Variants in EIF2D observed in about 807,000 individuals in gnomAD.
The protein encoded by EIF2D is eukaryotic translation initiation factor 2D.
Under a neutral mutation model 77.4 loss-of-function variants are expected in EIF2D, and 56 were observed. That is an observed-to-expected ratio of 0.72 (90% CI 0.58 to 0.90). The LOEUF (loss-of-function observed/expected upper bound fraction) is 0.90, where lower values mean the gene tolerates loss of function less well. Ranked by LOEUF, EIF2D falls within the 40% of genes least tolerant of loss-of-function variation. The pLI is 0.00. For missense variants in EIF2D, 574 were observed against 706.5 expected, an observed-to-expected ratio of 0.81 and a Z score of 2.13; for synonymous variants, 230 against 271.0, an observed-to-expected ratio of 0.85 and a Z score of 1.49.
At chr1:206,609,200 C>A (rs1226302118) in intron 3 of EIF2D, among the ~76,000 whole-genome samples, 176 bp downstream of exon 3, 1 of 152,200 alleles carries the variant, frequency 6.6e-6, no homozygotes, top group Non-Finnish European at 1.5e-5. Flanking sequence ...ACAACAGGGC[C>A]AGAGGGGCCC....
intron 4 of EIF2D, among the ~76,000 whole-genome samples, chr1:206,573,270 G>A (rs936485771): frequency 1.1e-4 from 16 of 152,086 alleles, no homozygotes; most frequent in African/African-American, 3.4e-4. Context: ...CATCAATCCC[G>A]TGAGGCAATA....
chr1:206,593,892 T>G (rs1307471855), intron 13 of EIF2D, 99 bp from the exon 14 acceptor site: 1 of 1,071,090 alleles, frequency 9.3e-7, no homozygotes, highest in African/African-American at 1.6e-5. Flanking sequence ...GCCCCTGTGT[T>G]CTCTGATGGT....
chr1:206,577,347 A>G (rs781943535), intron 4 of EIF2D, among the ~76,000 whole-genome samples: 9 of 152,238 alleles, frequency 5.9e-5, no homozygotes, highest in Non-Finnish European at 1.3e-4. Flanking sequence ...AAATTGGCTC[A>G]GAGGGGTAGA....
rs528818045 is a variant in EIF2D, at chr1:206,572,631, C to T, written c.*323G>A. On this transcript the variant is annotated 3_prime_UTR_variant and NMD_transcript_variant, in exon 5 of 6. Coordinates refer to the EIF2D transcript ENST00000472709. ...CAGCTGGAAAGTATGGTCACTTCTC[C>T]ATGAGGCACAGCAGGCATCGTGCCA... The T allele has an allele frequency of 4.9e-4, 75 of 152,330 alleles. 1 individual carries two copies. Among genetic ancestry groups the T allele is most frequent in the African/African-American group, 1.7e-3 (70 of 41,572 alleles). 9.4% of individuals were successfully genotyped at this position (152,330 alleles called of 1,614,324 possible). A position where few individuals can be genotyped will look rare whatever the true frequency, so the allele number is the denominator to read the frequency against.
At chr1:206,606,243 T>G (rs781984361) in intron 4 of EIF2D, among the ~76,000 whole-genome samples, 1 of 152,186 alleles carries the variant, frequency 6.6e-6, no homozygotes, top group African/African-American at 2.4e-5. Flanking sequence ...AGGGTCCAAG[T>G]GAGAGTTCCC....
chr1:206,609,011 C>T (rs1221397167), intron 3 of EIF2D, among the ~76,000 whole-genome samples: 1 of 151,754 alleles, frequency 6.6e-6, no homozygotes, highest in Non-Finnish European at 1.5e-5. Flanking sequence ...GAGATCATGC[C>T]ACTGCACTCC....
chr1:206,597,306 T>G, intron 11 of EIF2D, 111 bp from the exon 12 acceptor site: 1 of 738,942 alleles, frequency 1.4e-6, no homozygotes. Context: ...AGGATATGAA[T>G]CAATTATGGG....
At position 206,585,088 on chromosome 1, in the gene EIF2D, C is replaced by T. The variant is rs1414903619; in HGVS notation, c.139-3926G>A. On this transcript the variant is annotated intron_variant and NMD_transcript_variant, in intron 2 of 5. Coordinates refer to the EIF2D transcript ENST00000472709. ...CCGTGTCTACTTCCAGTTGTACGTACCCCACCTCTGCATTTCCAATCCTTT... is the reference window on the plus strand; with the variant it reads ...CCGTGTCTACTTCCAGTTGTACGTATCCCACCTCTGCATTTCCAATCCTTT... 1.9e-5 allele frequency: 17 copies of T among 879,810 alleles called. No individual in the cohort carries two copies. In the East Asian group the frequency reaches 2.6e-4, roughly 14 times the overall value. 54.5% of individuals were successfully genotyped at this position (879,810 alleles called of 1,614,324 possible).
At chr1:206,591,249 T>C (rs1359712838), downstream of EIF2D, among the ~76,000 whole-genome samples, 5 of 152,242 alleles carry the variant, frequency 3.3e-5, no homozygotes, top group Non-Finnish European at 7.3e-5. Flanking sequence ...CACGTCCTAA[T>C]ATGCCTGTAT....
At position 206,584,256 on chromosome 1, in the gene EIF2D, T is replaced by C; in HGVS notation, c.139-3094A>G. 1.2e-6 allele frequency: 1 copy of C among 850,124 alleles called. No individual in the cohort carries two copies. Among genetic ancestry groups the C allele is most frequent in the Non-Finnish European group, 1.8e-6 (1 of 554,856 alleles). The allele number at this position is 850,124 out of a possible 1,614,324, so 52.7% of individuals were successfully genotyped here. A position where few individuals can be genotyped will look rare whatever the true frequency, so the allele number is the denominator to read the frequency against. ...GGATCTCTGCTCCTTCCTCCAGCTC[T>C]CCCACGTCAGCAGAGGCAGGAAAGA... On this transcript the variant is annotated intron_variant and NMD_transcript_variant, in intron 2 of 5. Coordinates refer to the EIF2D transcript ENST00000472709. The surrounding 1 kb of genome is among the most constrained non-coding windows in gnomAD (Gnocchi z 4.9).
chr1:206,581,896 G>T (rs182735444), intron 2 of EIF2D, among the ~76,000 whole-genome samples: 14 of 152,238 alleles, frequency 9.2e-5, no homozygotes, highest in Non-Finnish European at 1.8e-4. Context: ...GGGCCCTGTT[G>T]TGTTCCGCGG....
chr1:206,586,891 C>CA, downstream of EIF2D: 1 of 1,614,156 alleles, frequency 6.2e-7, no homozygotes, highest in Non-Finnish European at 8.5e-7. Context: ...AGGAGCAGGA[C>CA]AAAATCCAAC....
intron 2 of EIF2D, 75 bp downstream of exon 2, chr1:206,611,109 G>A (rs1670461416): frequency 7.2e-7 from 1 of 1,393,774 alleles, no homozygotes; most frequent in Non-Finnish European, 9.8e-7. Context: ...GGGAGACAAT[G>A]GAAGAAACAG....
downstream of EIF2D, among the ~76,000 whole-genome samples, chr1:206,590,024 A>G (rs140275091): frequency 3.9e-4 from 60 of 152,354 alleles, no homozygotes; most frequent in East Asian, 0.011. Flanking sequence ...TGAATCTCAT[A>G]TGGTTACAGC....
At chr1:206,594,742 T>A (rs942775179) in intron 13 of EIF2D, 6 of 152,278 alleles carry the variant, frequency 3.9e-5, no homozygotes, top group African/African-American at 1.4e-4. Context: ...CAGAAAAAAA[T>A]TCACTATTTT....
chr1:206,578,295 T>C lies in EIF2D; in HGVS notation c.*254+2397A>G, dbSNP rs114822994. Reference sequence around the variant, plus strand: ...ATGCTTACTTAAGTGCCAGATAGTATAGTGTTGCCTTTAGATGTAGGTTAG... The same window carrying C: ...ATGCTTACTTAAGTGCCAGATAGTACAGTGTTGCCTTTAGATGTAGGTTAG... On this transcript the variant is annotated intron_variant and NMD_transcript_variant, in intron 4 of 5. Transcript: ENST00000472709. Among the ~76,000 whole-genome samples, 1,090 of 151,778 alleles carry C rather than the reference T, an allele frequency of 7.2e-3. 6 individuals are homozygous for C. Among genetic ancestry groups the C allele is most frequent in the Non-Finnish European group, 0.012 (793 of 67,934 alleles).
At chr1:206,602,033 T>A in intron 7 of EIF2D, 1 of 319,608 alleles carries the variant, frequency 3.1e-6, no homozygotes, top group Non-Finnish European at 5.9e-6. Flanking sequence ...GCCCGATTTG[T>A]GAGGTTGCCC....
At chr1:206,598,306 G>A (rs1224904711) in intron 11 of EIF2D, among the ~76,000 whole-genome samples, 2 of 152,070 alleles carry the variant, frequency 1.3e-5, no homozygotes, top group Non-Finnish European at 2.9e-5. Flanking sequence ...CAAAAATGTT[G>A]GGATTACAGA....
intron 2 of EIF2D, 112 bp downstream of exon 2, chr1:206,611,072 G>T: frequency 2.0e-6 from 2 of 1,000,498 alleles, no homozygotes; most frequent in Non-Finnish European, 2.9e-6. Flanking sequence ...GGATGGTATT[G>T]GGAGATTTCG....
Sources: gnomAD v4.1 joint callset for allele counts (sites outside exome capture counted in the v4.1 genomes callset) on GRCh38, gnomAD v4.1.1 for gene constraint, Gnocchi (gnomAD v3.1) non-coding constraint, MANE v1.5 for transcripts, NCBI Gene and HGNC (gene_info 2026-07-23, HGNC 2026-07-21) for gene names.